PLCH2: variants seen among roughly 807,000 people sequenced by gnomAD.
The protein encoded by PLCH2 is 1-phosphatidylinositol 4,5-bisphosphate phosphodiesterase eta-2.
In PLCH2, 98 loss-of-function variants were observed where a neutral mutation model predicts 134.7. The ratio of observed to expected loss-of-function variants is 0.73; its 90% confidence interval spans 0.62 to 0.86. PLCH2 has a LOEUF of 0.86. Among genes scored for constraint, PLCH2 ranks in the 40% least tolerant of loss-of-function variants. The probability of loss-of-function intolerance (pLI) is 0.00; values close to 1 mark genes in which losing one functional copy is unlikely to be tolerated. For synonymous variants in PLCH2, 974 were observed against 827.5 expected (o/e 1.18, Z -3.04); for missense variants, 1,994 against 1,986.6 (o/e 1.00, Z -0.07).
chr1:2,423,740 CAGAT>C (rs916046459), upstream of PLCH2, among the ~76,000 whole-genome samples: 7 of 151,952 alleles, frequency 4.6e-5, no homozygotes, highest in African/African-American at 1.4e-4. Context: ...AAGAGCATCT[CAGAT>C]GGAAATCAAC....
Position 2,491,286 on chromosome 1 carries a change from A to C in PLCH2, c.1610A>C (p.Asn537Thr), listed in dbSNP as rs370573665. The C allele has an allele frequency of 3.1e-6, 5 of 1,613,246 alleles. No homozygotes were observed. The African/African-American group carries it at 6.7e-5, about 22-fold the overall frequency. ...AAGATTCGGGACTGTGAGGACCCCA[A>C]CAACTTCTCCGTCTCCACACTGTCC... ...ESKIRDCEDP[N>T]NFSVSTLSPS... Residue 537 changes from asparagine (N) to threonine (T), a missense_variant, in exon 11 of 22, where the codon AAC (asparagine) becomes ACC (threonine). Asn to Thr is a moderately conservative substitution (Grantham distance 65). Transcript: ENST00000378486.
rs771023527 is a variant in PLCH2, at chr1:2,476,709, CT to C, written c.122del (p.Leu41ArgfsTer16). On this transcript the variant is annotated frameshift_variant and splice_region_variant, in exon 1 of 22. Transcript: ENST00000378486. LOFTEE classifies it high-confidence loss of function. ...VLSSEWQLGPLVERCMGAMQE... is the reference protein window; with the variant it reads ...VLSSEWQLGPXVERCMGAMQE... ...GTCTTCAGAGTGGCAGCTCGGCCCC[CT>C]GGGTAAGAAGGGGCAGGCGAGTGGC... is the stretch of plus-strand genomic sequence containing the variant. 5 of 1,606,442 alleles carry C rather than the reference CT, an allele frequency of 3.1e-6. No individual in the cohort carries two copies. Among genetic ancestry groups the C allele is most frequent in the Non-Finnish European group, 4.2e-6 (5 of 1,177,402 alleles).
chr1:2,492,553 T>A (rs1472286891), intron 11 of PLCH2: 1 of 152,266 alleles, frequency 6.6e-6, no homozygotes, highest in Non-Finnish European at 1.5e-5. Context: ...CCACGAAGGT[T>A]GGGGGAGGAG....
upstream of PLCH2, among the ~76,000 whole-genome samples, chr1:2,463,904 A>G (rs1316270392): frequency 6.6e-6 from 1 of 152,236 alleles, no homozygotes; most frequent in African/African-American, 2.4e-5. Context: ...CCCATGGGGC[A>G]CACAGAGTCG....
chr1:2,417,663 C>T, the PLCH2 span, among the ~76,000 whole-genome samples: 10 of 152,294 alleles, frequency 6.6e-5, no homozygotes, highest in African/African-American at 2.2e-4. Context: ...TGTGGCCAGC[C>T]GGTGAGGGGC....
chr1:2,458,559 G>T (rs1378782157), intron 2 of PLCH2, among the ~76,000 whole-genome samples: 3 of 152,168 alleles, frequency 2.0e-5, no homozygotes, highest in African/African-American at 7.2e-5. Context: ...TGGACCCAGT[G>T]GGTCCAGCAA....
At chr1:2,502,032 C>CT (rs1263079818) in intron 20 of PLCH2, 80 bp from the exon 21 acceptor site, 9 of 1,288,720 alleles carry the variant, frequency 7.0e-6, no homozygotes, top group African/African-American at 1.6e-5. Context: ...GTGGCACGGT[C>CT]TGGAGAGCTG....
chr1:2,455,582 C>G (rs1640449463), intron 2 of PLCH2, among the ~76,000 whole-genome samples: 1 of 152,204 alleles, frequency 6.6e-6, no homozygotes, highest in Non-Finnish European at 1.5e-5. Context: ...CTGTGGCCAC[C>G]ATAGCTGGAG....
intron 2 of PLCH2, among the ~76,000 whole-genome samples, chr1:2,442,136 C>T (rs1639720452): frequency 6.6e-6 from 1 of 152,024 alleles, no homozygotes; most frequent in South Asian, 2.1e-4. Flanking sequence ...CTGACCATGC[C>T]CCAGGCTCTG....
At chr1:2,434,308 G>A (rs753478701) in intron 2 of PLCH2, among the ~76,000 whole-genome samples, 2 of 152,172 alleles carry the variant, frequency 1.3e-5, no homozygotes, top group Non-Finnish European at 2.9e-5. Flanking sequence ...AGGACACACG[G>A]ACTCACCTTC....
chr1:2,474,289 C>T (rs536324358), upstream of PLCH2, among the ~76,000 whole-genome samples: 93 of 152,338 alleles, frequency 6.1e-4, no homozygotes, highest in Non-Finnish European at 1.1e-3. Flanking sequence ...CCCGGCTTCA[C>T]GCTGCAGCTG....
rs769393937 is a variant in PLCH2 at position 2,505,072 on chromosome 1, A to AC, written c.4115dup (p.Glu1373ArgfsTer37). 17 of 1,538,046 alleles carry AC rather than the reference A, an allele frequency of 1.1e-5. No homozygotes were observed. The highest frequency in any genetic ancestry group is 2.1e-4 in the Middle Eastern group (1 of 4,740). Reference sequence around the variant, plus strand: ...GACTGCAGGGCCTGGGCCGGCAGGGACCCCCAGAAGAGGAGCGGGGCACCC... The same window carrying AC: ...GACTGCAGGGCCTGGGCCGGCAGGGACCCCCCAGAAGAGGAGCGGGGCACCC... On this transcript the variant is annotated frameshift_variant, in exon 22 of 22. Coordinates refer to ENST00000378486, the MANE Select transcript of PLCH2 (RefSeq NM_014638.4). LOFTEE classifies it high-confidence loss of function.
the PLCH2 span, among the ~76,000 whole-genome samples, chr1:2,417,809 C>T: frequency 4.6e-5 from 7 of 152,334 alleles, no homozygotes; most frequent in South Asian, 2.1e-4. Context: ...GCAGGGGCTA[C>T]AGCCTCTGCG....
At chr1:2,476,899 C>T (rs1183377303) in intron 1 of PLCH2, among the ~76,000 whole-genome samples, 187 bp downstream of exon 1, 1 of 152,104 alleles carries the variant, frequency 6.6e-6, no homozygotes, top group Non-Finnish European at 1.5e-5. Flanking sequence ...TGCCCCTCAG[C>T]CGCTCAGAGG....
chr1:2,469,161 G>A (rs907890231), intron 1 of PLCH2, among the ~76,000 whole-genome samples: 3 of 152,224 alleles, frequency 2.0e-5, no homozygotes, highest in Non-Finnish European at 4.4e-5. Flanking sequence ...GGCCTGCAGA[G>A]AGCTCCCTGG....
chr1:2,429,912 T>G (rs1019109050), intron 1 of PLCH2, among the ~76,000 whole-genome samples: 1 of 152,150 alleles, frequency 6.6e-6, no homozygotes, highest in Non-Finnish European at 1.5e-5. Context: ...ACCTCTTGCT[T>G]TGCAAATGTG....
chr1:2,489,679 C>T lies in PLCH2; in HGVS notation c.1408-81C>T, dbSNP rs754406206. On this transcript the variant is annotated intron_variant, in intron 9 of 21. Coordinates refer to ENST00000378486, the MANE Select transcript of PLCH2 (RefSeq NM_014638.4). Reference sequence around the variant, plus strand: ...TTGAGAAAAGGCCCCTCTCCTTGGCCGGCGGCTCTTTGTGGGTGCCAGGTA... The same window carrying T: ...TTGAGAAAAGGCCCCTCTCCTTGGCTGGCGGCTCTTTGTGGGTGCCAGGTA... 129 of 1,142,140 alleles carry T rather than the reference C, an allele frequency of 1.1e-4. 1 individual carries two copies. Among genetic ancestry groups the T allele is most frequent in the East Asian group, 6.1e-4 (26 of 42,600 alleles). The allele number at this position is 1,142,140 out of a possible 1,614,324, so 70.8% of individuals were successfully genotyped here. A position where few individuals can be genotyped will look rare whatever the true frequency, so the allele number is the denominator to read the frequency against.
At position 2,438,199 on chromosome 1, in the gene PLCH2, G is replaced by A. The variant is rs147849609; in HGVS notation, c.115+7570G>A. On this transcript the variant is annotated intron_variant, in intron 2 of 3. Transcript: ENST00000609981. ...GGCAGCCGTGGAAATGAGCAAGCGCGGAGATGAACGGCGCTCGGCAGACGG... is the reference window on the plus strand; with the variant it reads ...GGCAGCCGTGGAAATGAGCAAGCGCAGAGATGAACGGCGCTCGGCAGACGG... Among the ~76,000 whole-genome samples, 561 of 152,374 alleles carry A rather than the reference G, an allele frequency of 3.7e-3. 5 individuals are homozygous for A. The highest frequency in any genetic ancestry group is 0.023 in the South Asian group (112 of 4,830).
chr1:2,494,028 C>T (rs1642736717), intron 11 of PLCH2, among the ~76,000 whole-genome samples: 1 of 152,154 alleles, frequency 6.6e-6, no homozygotes, highest in South Asian at 2.1e-4. Flanking sequence ...GGCGGAAGCC[C>T]CCTCCTAACA....
Sources: allele counts gnomAD v4.1 joint callset (sites outside exome capture counted in the v4.1 genomes callset), GRCh38; gene constraint gnomAD v4.1.1; transcripts MANE v1.5; gene names NCBI Gene and HGNC (gene_info 2026-07-23, HGNC 2026-07-21).